The following DRC8 variants were observed in gnomAD, a reference collection of about 807,000 sequenced individuals.
DRC8 encodes dynein regulatory complex subunit 8.
the DRC8 span, among the ~76,000 whole-genome samples, chr1:245,031,346 G>A: frequency 6.6e-6 from 1 of 151,858 alleles, no homozygotes; most frequent in African/African-American, 2.4e-5. Flanking sequence ...TGGGAATTAT[G>A]GTCTAGCTAG....
At chr1:244,973,044 A>C in the DRC8 span, among the ~76,000 whole-genome samples, 1 of 152,130 alleles carries the variant, frequency 6.6e-6, no homozygotes, top group South Asian at 2.1e-4. Context: ...CTGTATTTTG[A>C]ATTTTCAGAA....
At chr1:245,034,430 G>A in the DRC8 span, among the ~76,000 whole-genome samples, 2 of 151,536 alleles carry the variant, frequency 1.3e-5, no homozygotes, top group Non-Finnish European at 2.9e-5. Flanking sequence ...GCGAAACCCT[G>A]TCTCTAATAA....
chr1:245,061,452 A>C, the DRC8 span, among the ~76,000 whole-genome samples: 28 of 152,180 alleles, frequency 1.8e-4, no homozygotes, highest in Non-Finnish European at 3.8e-4. Context: ...ATACTTATGT[A>C]CCAGTAGGGG....
At chr1:244,985,075 GGTTTTT>G in the DRC8 span, among the ~76,000 whole-genome samples, 1 of 81,942 alleles carries the variant, frequency 1.2e-5, no homozygotes, top group Non-Finnish European at 2.3e-5. Context: ...CTGTCTCCAG[GGTTTTT>G]TTTTTTTTTT....
the DRC8 span, among the ~76,000 whole-genome samples, chr1:245,096,489 A>T: frequency 1.3e-5 from 2 of 152,350 alleles, no homozygotes; most frequent in South Asian, 4.1e-4. Context: ...TGTGCTGGGT[A>T]CCAGAGATGC....
the DRC8 span, among the ~76,000 whole-genome samples, chr1:245,008,599 C>G: frequency 2.6e-5 from 4 of 151,238 alleles, no homozygotes; most frequent in Admixed American, 1.3e-4. Context: ...TTTTCCCAAC[C>G]ATTAAAAAAT....
the DRC8 span, among the ~76,000 whole-genome samples, chr1:245,115,181 C>G: frequency 6.6e-6 from 1 of 152,048 alleles, no homozygotes; most frequent in Non-Finnish European, 1.5e-5. Context: ...TCCCAAGTAG[C>G]TAAGACTATA....
the DRC8 span, among the ~76,000 whole-genome samples, chr1:245,004,859 A>T: frequency 1.3e-5 from 2 of 152,228 alleles, no homozygotes; most frequent in Non-Finnish European, 2.9e-5. Context: ...AATAACCTTA[A>T]GAAGTATTTT....
chr1:245,100,277 CGGGATG>C, the DRC8 span, among the ~76,000 whole-genome samples: 1 of 151,978 alleles, frequency 6.6e-6, no homozygotes, highest in African/African-American at 2.4e-5. Flanking sequence ...CCCAGCTACT[CGGGATG>C]CTGAGACAGG....
chr1:245,078,624 C>G, the DRC8 span, among the ~76,000 whole-genome samples: 3 of 151,860 alleles, frequency 2.0e-5, no homozygotes, highest in Non-Finnish European at 4.4e-5. Flanking sequence ...TTTCAAAAGT[C>G]AAACTCATGG....
the DRC8 span, among the ~76,000 whole-genome samples, chr1:245,090,119 G>C: frequency 6.6e-6 from 1 of 152,208 alleles, no homozygotes; most frequent in Non-Finnish European, 1.5e-5. Context: ...TGTCATGTGC[G>C]TGAGGTGGAA....
the DRC8 span, among the ~76,000 whole-genome samples, chr1:245,054,512 C>T: frequency 1.3e-5 from 2 of 152,182 alleles, no homozygotes; most frequent in East Asian, 1.9e-4. Context: ...TCAGCAGCAT[C>T]GGAAAGCCAA....
chr1:244,988,241 T>A, the DRC8 span, among the ~76,000 whole-genome samples: 3 of 152,180 alleles, frequency 2.0e-5, no homozygotes, highest in Non-Finnish European at 4.4e-5. Flanking sequence ...GGCCTTGAAC[T>A]CTTGGGCTCA....
chr1:245,044,553 T>TGA, the DRC8 span, among the ~76,000 whole-genome samples: 4 of 53,666 alleles, frequency 7.5e-5, no homozygotes, highest in East Asian at 1.0e-3. Context: ...CAGGCTGGAT[T>TGA]TATTTATTTA....
At chr1:245,004,907 A>G in the DRC8 span, among the ~76,000 whole-genome samples, 213 of 152,366 alleles carry the variant, frequency 1.4e-3, no homozygotes, top group Non-Finnish European at 2.5e-3. Flanking sequence ...TTTATGGAGC[A>G]CAGTGTGACA....
the DRC8 span, among the ~76,000 whole-genome samples, chr1:245,102,396 C>T: frequency 6.6e-6 from 1 of 152,048 alleles, no homozygotes; most frequent in Non-Finnish European, 1.5e-5. Flanking sequence ...GTCGCCCAGG[C>T]TGGAGTGGAA....
chr1:245,009,610 G>A, the DRC8 span, among the ~76,000 whole-genome samples: 1 of 151,810 alleles, frequency 6.6e-6, no homozygotes, highest in Non-Finnish European at 1.5e-5. Flanking sequence ...TGGGACTACA[G>A]GCGCCCGCCA....
the DRC8 span, among the ~76,000 whole-genome samples, chr1:245,028,614 T>C: frequency 6.6e-6 from 1 of 152,002 alleles, no homozygotes. Flanking sequence ...TTGTTAAAGA[T>C]GTGGGGGAAG....
At chr1:245,118,660 G>C in the DRC8 span, among the ~76,000 whole-genome samples, 1 of 151,826 alleles carries the variant, frequency 6.6e-6, no homozygotes, top group Non-Finnish European at 1.5e-5. Context: ...GCGTGGTGGT[G>C]CATGCCTGTA....
Sources: gnomAD v4.1 joint callset for allele counts (sites outside exome capture counted in the v4.1 genomes callset) on GRCh38, gnomAD v4.1.1 for gene constraint, MANE v1.5 for transcripts, NCBI Gene and HGNC (gene_info 2026-07-23, HGNC 2026-07-21) for gene names.